The following KIF1A variants were observed in gnomAD, a reference collection of about 807,000 sequenced individuals.
KIF1A encodes the protein kinesin family member 1A.
KIF1A carries 46 observed loss-of-function variants against 227.3 expected under a neutral mutation model. The observed-to-expected ratio is 0.20, with a 90% CI of 0.16 to 0.26. The LOEUF (loss-of-function observed/expected upper bound fraction) is 0.26, where lower values mean the gene tolerates loss of function less well. Ranked by LOEUF, KIF1A falls within the 10% of genes least tolerant of loss-of-function variation. The pLI, the probability that KIF1A is intolerant of heterozygous loss-of-function variation, is 1.00. For missense variants in KIF1A, 1,683 were observed against 2,485.9 expected, an observed-to-expected ratio of 0.68 and a Z score of 6.87; for synonymous variants, 1,022 against 1,012.8, an observed-to-expected ratio of 1.01 and a Z score of -0.17.
rs148992527 is a variant in KIF1A at position 240,724,247 on chromosome 2, G to C, written c.4257-211C>G. 1,277 of 602,480 alleles carry C rather than the reference G, an allele frequency of 2.1e-3. 12 individuals are homozygous for C. Among genetic ancestry groups the C allele is most frequent in the African/African-American group, 0.021 (1,126 of 54,310 alleles). 37.3% of individuals were successfully genotyped at this position (602,480 alleles called of 1,614,324 possible). On this transcript the variant is annotated intron_variant, in intron 40 of 48. Transcript: ENST00000498729. ...GAGAAAAGATGCATTGGCTGGTCTT[G>C]CTCAGGTGCCCATGGGGCTGTGACG...
At chr2:240,805,999 C>G (rs560872752) in intron 1 of KIF1A, among the ~76,000 whole-genome samples, 1 of 152,220 alleles carries the variant, frequency 6.6e-6, no homozygotes, top group Non-Finnish European at 1.5e-5. Flanking sequence ...TAACCTCTCA[C>G]TGTAAACAAT....
chr2:240,785,135 G>C (rs774177051), intron 6 of KIF1A, 35 bp from the exon 7 acceptor site: 2 of 1,552,614 alleles, frequency 1.3e-6, no homozygotes, highest in East Asian at 4.5e-5. Flanking sequence ...GTTACCCCTC[G>C]TCCTGTGGCC....
At chr2:240,821,011 C>T (rs1457407691), upstream of KIF1A, among the ~76,000 whole-genome samples, 1 of 152,238 alleles carries the variant, frequency 6.6e-6, no homozygotes, top group African/African-American at 2.4e-5. Flanking sequence ...CGCCCCCAGC[C>T]GCCTTCCTAG....
chr2:240,723,268 G>A (rs1435880390), intron 42 of KIF1A, 145 bp downstream of exon 42: 4 of 713,374 alleles, frequency 5.6e-6, no homozygotes, highest in Non-Finnish European at 9.2e-6. Context: ...AGCATCACAT[G>A]CTCCTCCTGC....
At chr2:240,719,689 C>T (rs750065067) in intron 46 of KIF1A, 85 bp downstream of exon 46, 5 of 1,382,406 alleles carry the variant, frequency 3.6e-6, no homozygotes, top group South Asian at 1.5e-5. Context: ...GGTCCCTGTG[C>T]CCCCAGTATG....
At chr2:240,734,856 A>T in intron 38 of KIF1A, 1 of 803,338 alleles carries the variant, frequency 1.2e-6, no homozygotes, top group South Asian at 1.4e-5. Context: ...ACTCTGAGCC[A>T]GGGAGGCTGC....
rs2125553520 is a variant in KIF1A, at chr2:240,717,391, T to C, written c.5349A>G (p.Arg1783=). 5.0e-6 allele frequency: 8 copies of C among 1,611,760 alleles called. No individual in the cohort carries two copies. Among genetic ancestry groups the C allele is most frequent in the Non-Finnish European group, 6.8e-6 (8 of 1,179,548 alleles). ...LAGTIRSKLS[R]RRSAQMRV ...AGACCCGCATCTGGGCAGACCTCCT[T>C]CTGGAGAGCTTGGACCTGCAGAAGA... is the stretch of plus-strand genomic sequence containing the variant. The change falls in exon 49 of 49, where the codon AGA becomes AGG. Residue 1783 remains arginine (R), a synonymous_variant. Coordinates refer to ENST00000498729, the MANE Select transcript of KIF1A (RefSeq NM_001244008.2).
intron 1 of KIF1A, among the ~76,000 whole-genome samples, chr2:240,799,762 C>T (rs989654606): frequency 8.5e-5 from 13 of 152,180 alleles, no homozygotes; most frequent in Admixed American, 5.2e-4. Flanking sequence ...TTCTGCAGCA[C>T]GCCCTGGGCC....
At chr2:240,759,624 G>A (rs908641674) in intron 25 of KIF1A, among the ~76,000 whole-genome samples, 3 of 151,886 alleles carry the variant, frequency 2.0e-5, no homozygotes, top group African/African-American at 7.3e-5. Flanking sequence ...GGTGGGGCGT[G>A]CCATGCTCTG....
chr2:240,773,293 C>G, intron 12 of KIF1A, 37 bp from the exon 13 acceptor site: 1 of 1,612,298 alleles, frequency 6.2e-7, no homozygotes, highest in Non-Finnish European at 8.5e-7. Flanking sequence ...GTGCTCGGGA[C>G]AGGTCCACAT....
At chr2:240,771,589 C>T (rs1040708237) in intron 14 of KIF1A, among the ~76,000 whole-genome samples, 7 of 152,202 alleles carry the variant, frequency 4.6e-5, no homozygotes, top group African/African-American at 1.7e-4. Context: ...CCCACCCTGT[C>T]CACTGGCTTG....
chr2:240,719,676 G>A (rs2045048683), intron 46 of KIF1A, 98 bp downstream of exon 46: 4 of 1,340,260 alleles, frequency 3.0e-6, no homozygotes, highest in Non-Finnish European at 4.0e-6. Context: ...CCCCAAGTAT[G>A]AGGGTCCCTG....
rs1411684742 is a variant in KIF1A at position 240,774,178 on chromosome 2, C to G, written c.1037+5G>C. The G allele has an allele frequency of 1.3e-6, 2 of 1,573,830 alleles. No homozygotes were observed. The highest frequency in any genetic ancestry group is 2.7e-5 in the African/African-American group (2 of 73,956). On this transcript the variant is annotated splice_donor_5th_base_variant and intron_variant, in intron 12 of 48. Coordinates refer to ENST00000498729, the MANE Select transcript of KIF1A (RefSeq NM_001244008.2). ...AAGCAGAGCTTGTCTCCCTGGAGAA[C>G]TCACCTCAGCGTGCTAAGGGTCTCA...
intron 1 of KIF1A, among the ~76,000 whole-genome samples, chr2:240,809,856 T>C (rs1203157517): frequency 1.3e-5 from 2 of 149,866 alleles, no homozygotes; most frequent in Admixed American, 6.7e-5. Flanking sequence ...CTGCACGTTG[T>C]GCACATGTAC....
intron 2 of KIF1A, among the ~76,000 whole-genome samples, chr2:240,794,050 G>A (rs1181073044): frequency 3.9e-5 from 6 of 152,306 alleles, no homozygotes; most frequent in African/African-American, 7.2e-5. Context: ...ACATCCACCC[G>A]CACCCTCTCA....
Position 240,788,023 on chromosome 2 carries a change from C to G in KIF1A, c.363+28G>C. 6.7e-7 allele frequency: 1 copy of G among 1,499,056 alleles called. No individual in the cohort carries two copies. Among genetic ancestry groups the G allele is most frequent in the Non-Finnish European group, 9.1e-7 (1 of 1,102,636 alleles). 92.9% of individuals were successfully genotyped at this position (1,499,056 alleles called of 1,614,324 possible). On this transcript the variant is annotated intron_variant, in intron 4 of 48. Coordinates refer to ENST00000498729, the MANE Select transcript of KIF1A (RefSeq NM_001244008.2). The surrounding 1 kb of genome is among the most constrained non-coding windows in gnomAD (Gnocchi z 6.6). ...GCTGGTCCCGCCCCATCTGCCAGGG[C>G]TGCCCCCGCCCGCCCCCCGCTTCGT...
intron 10 of KIF1A, among the ~76,000 whole-genome samples, chr2:240,779,805 G>A (rs973053403): frequency 3.3e-5 from 5 of 152,062 alleles, no homozygotes; most frequent in Non-Finnish European, 7.4e-5. Flanking sequence ...ACGCTTCCTC[G>A]CACGGTTCTG....
Position 240,726,966 on chromosome 2 carries a change from A to C in KIF1A, c.4008-26T>G, listed in dbSNP as rs374678447. On this transcript the variant is annotated intron_variant, in intron 38 of 48. Coordinates refer to ENST00000498729, the MANE Select transcript of KIF1A (RefSeq NM_001244008.2). The surrounding 1 kb of genome is among the most constrained non-coding windows in gnomAD (Gnocchi z 5.2). ...CTGAAAGGAAGCAGAGACAAAGTAG[A>C]AGTTGATGGCGTGGGGGCTGCTTTC... is the stretch of plus-strand genomic sequence containing the variant. 2.1e-6 allele frequency: 3 copies of C among 1,429,836 alleles called. No homozygotes were observed. The highest frequency in any genetic ancestry group is 2.9e-6 in the Non-Finnish European group (3 of 1,026,284). The allele number at this position is 1,429,836 out of a possible 1,614,324, so 88.6% of individuals were successfully genotyped here.
intron 28 of KIF1A, among the ~76,000 whole-genome samples, chr2:240,749,287 C>T (rs1412172919): frequency 1.3e-5 from 2 of 152,150 alleles, no homozygotes; most frequent in African/African-American, 4.8e-5. Flanking sequence ...TATGAGGTAA[C>T]TCAGGGTGGA....
Sources: allele counts gnomAD v4.1 joint callset (sites outside exome capture counted in the v4.1 genomes callset), GRCh38; gene constraint gnomAD v4.1.1; non-coding constraint Gnocchi (gnomAD v3.1); transcripts MANE v1.5; gene names NCBI Gene and HGNC (gene_info 2026-07-23, HGNC 2026-07-21).